Variants in EDDM13 observed in about 807,000 individuals in gnomAD.
The protein encoded by EDDM13 is epididymal protein 13.
In EDDM13, 24 loss-of-function variants were observed where a neutral mutation model predicts 17.8. The observed-to-expected ratio is 1.35, with a 90% CI of 0.98 to 1.90. The LOEUF is 1.90. Among genes scored for constraint, EDDM13 ranks in the 40% most tolerant of loss-of-function variants. EDDM13 has a pLI of 0.00. For synonymous variants in EDDM13, 31 were observed against 37.5 expected, an observed-to-expected ratio of 0.83 and a Z score of 0.63; for missense variants, 97 against 100.8, an observed-to-expected ratio of 0.96 and a Z score of 0.16.
At chr19:56,298,251 A>G (rs1193364257) in intron 12 of EDDM13, 1 of 152,178 alleles carries the variant, frequency 6.6e-6, no homozygotes, top group Non-Finnish European at 1.5e-5. Context: ...TAAGGTGATC[A>G]TTGGAGAAAC....
At chr19:56,301,078 C>G (rs893840639) in intron 12 of EDDM13, among the ~76,000 whole-genome samples, 3 of 152,014 alleles carry the variant, frequency 2.0e-5, no homozygotes, top group African/African-American at 7.2e-5. Context: ...AGAAAGGGGT[C>G]CCGATCAAGA....
intron 14 of EDDM13, among the ~76,000 whole-genome samples, chr19:56,307,168 G>A (rs2147330347): frequency 6.8e-6 from 1 of 148,060 alleles, no homozygotes; most frequent in East Asian, 2.0e-4. Context: ...GGACAGATGG[G>A]AGATTTCTCT....
intron 4 of EDDM13, chr19:56,283,437 G>A (rs2038864481): frequency 6.6e-6 from 1 of 152,032 alleles, no homozygotes; most frequent in South Asian, 2.1e-4. Context: ...ATCATCCCAA[G>A]GCCACCCACT....
intron 4 of EDDM13, chr19:56,283,142 C>CA (rs1165191985): frequency 6.6e-6 from 1 of 152,214 alleles, no homozygotes; most frequent in African/African-American, 2.4e-5. Context: ...CTTACGGTTG[C>CA]AAAACATTTT....
intron 9 of EDDM13, among the ~76,000 whole-genome samples, chr19:56,292,977 T>C (rs1568709161): frequency 6.6e-6 from 1 of 152,178 alleles, no homozygotes; most frequent in Admixed American, 6.5e-5. Flanking sequence ...TGATTGAATT[T>C]TGGGTTGATT....
intron 12 of EDDM13, chr19:56,299,695 A>G (rs2147240238): frequency 6.6e-6 from 1 of 152,324 alleles, no homozygotes; most frequent in South Asian, 2.1e-4. Flanking sequence ...AATCATCTCT[A>G]GATTACTTAT....
chr19:56,304,793 T>C lies in EDDM13; in HGVS notation c.424T>C (p.Cys142Arg). ...LFVSYNKGDW[C>R]YCHYCNLELD... ...TCCCAGTTCACTTTTTCCTCCCAAG[T>C]GTTACTGCCACTACTGTAACTTGGA... Residue 142 changes from cysteine to arginine, a missense_variant and splice_region_variant, in exon 14 of 15, where the codon TGT becomes CGT. Coordinates refer to ENST00000649256, the MANE Select transcript of EDDM13 (RefSeq NM_001354658.2). 2.0e-6 allele frequency: 2 copies of C among 985,358 alleles called. No individual in the cohort carries two copies. The highest frequency in any genetic ancestry group is 9.4e-5 in the South Asian group (2 of 21,284). 61.0% of individuals were successfully genotyped at this position (985,358 alleles called of 1,614,324 possible). A position where few individuals can be genotyped will look rare whatever the true frequency, so the allele number is the denominator to read the frequency against.
intron 8 of EDDM13, among the ~76,000 whole-genome samples, chr19:56,289,468 G>C (rs544895733): frequency 6.6e-6 from 1 of 152,132 alleles, no homozygotes; most frequent in African/African-American, 2.4e-5. Context: ...CTCTAGTTCG[G>C]GTAAGACGGA....
intron 14 of EDDM13, among the ~76,000 whole-genome samples, chr19:56,307,927 G>A (rs1188458870): frequency 2.0e-5 from 3 of 152,224 alleles, no homozygotes; most frequent in Non-Finnish European, 4.4e-5. Flanking sequence ...ATCAAGTTCA[G>A]GTCTCTGGCA....
At chr19:56,285,281 T>C (rs1331511314) in intron 6 of EDDM13, among the ~76,000 whole-genome samples, 3 of 152,200 alleles carry the variant, frequency 2.0e-5, no homozygotes, top group African/African-American at 7.2e-5. Context: ...TGGGAAAATA[T>C]CGAGGAAACA....
chr19:56,292,569 C>T (rs924851904), intron 9 of EDDM13, among the ~76,000 whole-genome samples: 5 of 151,614 alleles, frequency 3.3e-5, no homozygotes, highest in African/African-American at 7.3e-5. Flanking sequence ...ATCACAGGCA[C>T]GAGCCACTGC....
chr19:56,281,660 T>C, intron 2 of EDDM13, 33 bp from the exon 3 acceptor site: 14 of 984,472 alleles, frequency 1.4e-5, no homozygotes, highest in Non-Finnish European at 1.7e-5. Context: ...TCCATGTTGA[T>C]TCACTGGCTC....
chr19:56,296,556 C>T (rs1477439153), intron 11 of EDDM13, 194 bp downstream of exon 11: 1 of 151,924 alleles, frequency 6.6e-6, no homozygotes, highest in Non-Finnish European at 1.5e-5. Context: ...CTCTCCTGTA[C>T]CAAATGTTAT....
intron 14 of EDDM13, among the ~76,000 whole-genome samples, chr19:56,307,954 T>C (rs2040803850): frequency 6.6e-6 from 1 of 152,250 alleles, no homozygotes; most frequent in Non-Finnish European, 1.5e-5. Flanking sequence ...CCAAGGGTTC[T>C]CAGGCTCCAA....
intron 1 of EDDM13, chr19:56,274,904 C>G (rs982591061): frequency 6.6e-6 from 1 of 152,164 alleles, no homozygotes; most frequent in Non-Finnish European, 1.5e-5. Context: ...TTGTCTTTCA[C>G]GACCCTGAAA....
chr19:56,284,295 G>C (rs552490847), intron 5 of EDDM13, 89 bp downstream of exon 5: 4 of 403,046 alleles, frequency 9.9e-6, no homozygotes, highest in Admixed American at 1.3e-4. Flanking sequence ...AACTGGGTTA[G>C]ATTGTGTGTA....
chr19:56,281,562 A>G (rs1424489865), intron 2 of EDDM13, 131 bp from the exon 3 acceptor site: 1 of 329,400 alleles, frequency 3.0e-6, no homozygotes, highest in African/African-American at 2.2e-5. Flanking sequence ...CAGGCAAATA[A>G]ATGTTCCATG....
chr19:56,303,993 C>A (rs1200966164), intron 13 of EDDM13, among the ~76,000 whole-genome samples: 1 of 152,126 alleles, frequency 6.6e-6, no homozygotes, highest in Non-Finnish European at 1.5e-5. Flanking sequence ...GGGTCCAGGT[C>A]ATGTAAGGTT....
intron 13 of EDDM13, chr19:56,303,014 T>C: frequency 5.0e-6 from 2 of 396,092 alleles, no homozygotes; most frequent in Non-Finnish European, 8.9e-6. Context: ...GGCGCTTATC[T>C]CAGCCTAGGG....
Sources: gnomAD v4.1 joint callset for allele counts (sites outside exome capture counted in the v4.1 genomes callset) on GRCh38, gnomAD v4.1.1 for gene constraint, MANE v1.5 for transcripts, NCBI Gene and HGNC (gene_info 2026-07-23, HGNC 2026-07-21) for gene names.